Variants in RBFOX1 observed in about 807,000 individuals in gnomAD.
The protein encoded by RBFOX1 is RNA binding fox-1 homolog 1, also known as RNA binding protein fox-1 homolog 1.
RBFOX1 carries 8 observed loss-of-function variants against 57.7 expected under a neutral mutation model. The observed-to-expected ratio is 0.14, with a 90% CI of 0.08 to 0.25. RBFOX1 has a LOEUF of 0.25. Among genes scored for constraint, RBFOX1 ranks in the 10% least tolerant of loss-of-function variants. The pLI is 1.00. For synonymous variants in RBFOX1, 326 were observed against 222.4 expected (o/e 1.47, Z -4.15); for missense variants, 611 against 548.5 (o/e 1.11, Z -1.14).
At chr16:7,158,455 C>G (rs780481184) in intron 4 of RBFOX1, among the ~76,000 whole-genome samples, 5 of 152,150 alleles carry the variant, frequency 3.3e-5, no homozygotes, top group African/African-American at 7.2e-5. Context: ...CCTACTGATG[C>G]AATCTCCTGA....
chr16:6,483,455 C>T, intron 2 of RBFOX1: 4 of 1,535,694 alleles, frequency 2.6e-6, no homozygotes, highest in Non-Finnish European at 3.5e-6. Flanking sequence ...TTCTCCCGTG[C>T]TGTGTTTTCC....
chr16:7,608,803 C>G lies in RBFOX1; in HGVS notation c.676+1465C>G, dbSNP rs73488689. 6.1e-3 allele frequency among the ~76,000 whole-genome samples: 931 copies of G among 152,296 alleles called. 10 individuals are homozygous for G. The highest frequency in any genetic ancestry group is 0.021 in the African/African-American group (872 of 41,548). On this transcript the variant is annotated intron_variant, in intron 10 of 15. Transcript: ENST00000550418. Reference sequence around the variant, plus strand: ...TGGTGTGTAGCCAGCACCGTGTAAACATTTAGTAAACAAAAATGAATATGT... The same window carrying G: ...TGGTGTGTAGCCAGCACCGTGTAAAGATTTAGTAAACAAAAATGAATATGT...
chr16:6,927,158 A>C (rs952568697), intron 3 of RBFOX1, among the ~76,000 whole-genome samples: 13 of 151,968 alleles, frequency 8.6e-5, no homozygotes, highest in African/African-American at 1.9e-4. Flanking sequence ...CACCCTCAGA[A>C]GTTCTGAATT....
intron 3 of RBFOX1, among the ~76,000 whole-genome samples, chr16:5,643,490 G>C (rs1163693492): frequency 2.0e-5 from 3 of 152,172 alleles, no homozygotes; most frequent in African/African-American, 7.2e-5. Context: ...TGGAGATTCT[G>C]AGCATCTGAC....
intron 4 of RBFOX1, among the ~76,000 whole-genome samples, chr16:7,263,906 A>G (rs1329069429): frequency 6.9e-6 from 1 of 144,074 alleles, no homozygotes; most frequent in East Asian, 2.0e-4. Flanking sequence ...GTCTCAAAAT[A>G]TATATATATA....
intron 2 of RBFOX1, among the ~76,000 whole-genome samples, chr16:6,477,006 A>G (rs949055268): frequency 6.6e-6 from 1 of 152,174 alleles, no homozygotes; most frequent in South Asian, 2.1e-4. Context: ...TTAAAGTTTT[A>G]TCACGAGATT....
chr16:5,922,456 C>T (rs1211735569), intron 4 of RBFOX1, among the ~76,000 whole-genome samples: 3 of 152,296 alleles, frequency 2.0e-5, no homozygotes, highest in East Asian at 3.9e-4. Flanking sequence ...CCTTGTCTTG[C>T]TGGAGCAAGG....
At chr16:5,906,327 C>T (rs144849701) in intron 4 of RBFOX1, among the ~76,000 whole-genome samples, 41 of 152,240 alleles carry the variant, frequency 2.7e-4, no homozygotes, top group Non-Finnish European at 3.5e-4. Context: ...CAAACACGCA[C>T]GTGGGGATAA....
chr16:6,961,645 A>C (rs149143545), intron 3 of RBFOX1, among the ~76,000 whole-genome samples: 1,833 of 152,254 alleles, frequency 0.012, 34 homozygotes, highest in African/African-American at 0.042. Context: ...ATGCTAAACA[A>C]GGGGTGAATT....
chr16:7,565,602 T>G (rs1205360778), intron 5 of RBFOX1, among the ~76,000 whole-genome samples: 1 of 152,180 alleles, frequency 6.6e-6, no homozygotes, highest in Non-Finnish European at 1.5e-5. Flanking sequence ...GAGCAAGTGT[T>G]CGTTACACAA....
At chr16:7,486,666 A>G (rs907503457) in intron 4 of RBFOX1, among the ~76,000 whole-genome samples, 2 of 152,090 alleles carry the variant, frequency 1.3e-5, no homozygotes, top group African/African-American at 2.4e-5. Flanking sequence ...GATAGAAGGT[A>G]TGTGTTATGA....
chr16:7,492,538 A>T (rs766357463), intron 4 of RBFOX1, among the ~76,000 whole-genome samples: 1 of 152,126 alleles, frequency 6.6e-6, no homozygotes, highest in Admixed American at 6.5e-5. Context: ...AAACGACACT[A>T]AATAAAATTA....
In RBFOX1 at chr16:5,522,395, G is replaced by T. The variant is rs1042881404; in HGVS notation, c.258+55141G>T. On this transcript the variant is annotated intron_variant, in intron 2 of 2. Coordinates refer to the RBFOX1 transcript ENST00000585867. ...AGGAAACGGTGGAGCATCTGTTTAG[G>T]AAGCCACATTTTTTAACTGATACAT... is the stretch of plus-strand genomic sequence containing the variant. Among the ~76,000 whole-genome samples the T allele has an allele frequency of 2.0e-5, 3 of 152,202 alleles. No homozygotes were observed. In the East Asian group the frequency reaches 5.8e-4, roughly 29 times the overall value.
intron 3 of RBFOX1, among the ~76,000 whole-genome samples, chr16:5,728,704 C>T (rs1418342079): frequency 6.6e-6 from 1 of 152,206 alleles, no homozygotes; most frequent in African/African-American, 2.4e-5. Context: ...CCTCCCCTCT[C>T]CATGGCTGAG....
intron 2 of RBFOX1, among the ~76,000 whole-genome samples, chr16:6,497,791 A>C (rs1390119415): frequency 1.3e-5 from 2 of 151,906 alleles, no homozygotes; most frequent in African/African-American, 4.8e-5. Flanking sequence ...TCCTGACCTC[A>C]AGTGATCCAC....
At chr16:5,446,359 CAA>C (rs2068238776) in intron 1 of RBFOX1, among the ~76,000 whole-genome samples, 1 of 152,120 alleles carries the variant, frequency 6.6e-6, no homozygotes, top group East Asian at 1.9e-4. Flanking sequence ...ACAGTATAGA[CAA>C]ATCCAGGAAA....
At chr16:6,663,932 G>C (rs2098716513) in intron 3 of RBFOX1, among the ~76,000 whole-genome samples, 1 of 152,190 alleles carries the variant, frequency 6.6e-6, no homozygotes, top group South Asian at 2.1e-4. Flanking sequence ...AAAGTGGCTA[G>C]AGATAAAGCT....
intron 2 of RBFOX1, among the ~76,000 whole-genome samples, chr16:5,519,884 T>C (rs527388543): frequency 1.3e-5 from 2 of 152,362 alleles, no homozygotes; most frequent in Non-Finnish European, 2.9e-5. Context: ...CATTCAATAA[T>C]TCTTTATTGA....
intron 1 of RBFOX1, among the ~76,000 whole-genome samples, chr16:6,137,026 G>C (rs1383663073): frequency 6.6e-6 from 1 of 152,060 alleles, no homozygotes; most frequent in Non-Finnish European, 1.5e-5. Flanking sequence ...CTCCCAACTT[G>C]CTTTTTTGTT....
Sources: allele counts gnomAD v4.1 joint callset (sites outside exome capture counted in the v4.1 genomes callset), GRCh38; gene constraint gnomAD v4.1.1; transcripts MANE v1.5; gene names NCBI Gene and HGNC (gene_info 2026-07-23, HGNC 2026-07-21).